The following BBS9 variants were observed in gnomAD, a reference collection of about 807,000 sequenced individuals.
BBS9 encodes Bardet-Biedl syndrome 9, also known as protein PTHB1.
Under a neutral mutation model 117.7 loss-of-function variants are expected in BBS9, and 89 were observed. That is an observed-to-expected ratio of 0.76 (90% CI 0.64 to 0.90). The LOEUF (loss-of-function observed/expected upper bound fraction) is 0.90, where lower values mean the gene tolerates loss of function less well. BBS9 is among the 40% of genes least tolerant of loss of function. The probability of loss-of-function intolerance (pLI) is 0.00; values close to 1 mark genes in which losing one functional copy is unlikely to be tolerated. For synonymous variants in BBS9, 379 were observed against 370.9 expected (o/e 1.02, Z -0.25); for missense variants, 982 against 1,042.2 (o/e 0.94, Z 0.80).
At chr7:33,402,896 T>C (rs1829162105) in intron 19 of BBS9, among the ~76,000 whole-genome samples, 1 of 152,146 alleles carries the variant, frequency 6.6e-6, no homozygotes, top group African/African-American at 2.4e-5. Flanking sequence ...CCTAACTTTA[T>C]GTCCATATGT....
chr7:33,471,837 G>T (rs1360108199), intron 19 of BBS9, among the ~76,000 whole-genome samples: 1 of 152,188 alleles, frequency 6.6e-6, no homozygotes, highest in African/African-American at 2.4e-5. Context: ...TCAAAACCAT[G>T]AACTGCCACC....
chr7:33,544,420 A>T (rs1387124932), intron 21 of BBS9, among the ~76,000 whole-genome samples: 1 of 152,016 alleles, frequency 6.6e-6, no homozygotes, highest in Non-Finnish European at 1.5e-5. Flanking sequence ...TTTCCTATGG[A>T]TGTGGCTTTC....
In BBS9 at chr7:33,400,077, T is replaced by G. The variant is rs181240602; in HGVS notation, c.2115+11933T>G. On this transcript the variant is annotated intron_variant, in intron 19 of 22. Coordinates refer to ENST00000242067, the MANE Select transcript of BBS9 (RefSeq NM_198428.3). ...GCTTGCTAGTGTTAGCTTGAACAACTGGCTGTATTGTAAATTTAATATTAG... is the reference window on the plus strand; with the variant it reads ...GCTTGCTAGTGTTAGCTTGAACAACGGGCTGTATTGTAAATTTAATATTAG... 3.3e-3 allele frequency among the ~76,000 whole-genome samples: 504 copies of G among 152,252 alleles called. 5 individuals carry two copies. Among genetic ancestry groups the G allele is most frequent in the African/African-American group, 0.012 (489 of 41,564 alleles).
chr7:33,148,308 C>T (rs1313463252), intron 2 of BBS9, among the ~76,000 whole-genome samples: 1 of 151,960 alleles, frequency 6.6e-6, no homozygotes, highest in Non-Finnish European at 1.5e-5. Flanking sequence ...AGGACTGTAA[C>T]CTGGAGAATA....
intron 19 of BBS9, among the ~76,000 whole-genome samples, chr7:33,436,502 T>A (rs1835325333): frequency 6.6e-6 from 1 of 152,244 alleles, no homozygotes; most frequent in Non-Finnish European, 1.5e-5. Flanking sequence ...ATTACATTAT[T>A]TATAATCTCA....
At chr7:33,389,956 C>T (rs1222286018) in intron 19 of BBS9, among the ~76,000 whole-genome samples, 1 of 152,124 alleles carries the variant, frequency 6.6e-6, no homozygotes, top group Non-Finnish European at 1.5e-5. Flanking sequence ...ATTTGTTCCA[C>T]AAATATAGAC....
intron 19 of BBS9, among the ~76,000 whole-genome samples, chr7:33,468,163 A>C (rs1303832292): frequency 6.6e-6 from 1 of 152,182 alleles, no homozygotes; most frequent in Non-Finnish European, 1.5e-5. Context: ...GGGGGTAGAT[A>C]AAATAGCTAG....
chr7:33,177,369 G>A (rs1412758628), intron 4 of BBS9, 109 bp from the exon 5 acceptor site: 7 of 755,358 alleles, frequency 9.3e-6, no homozygotes, highest in Non-Finnish European at 1.6e-5. Context: ...TTAGTGCTTT[G>A]CCATTATAAT....
intron 21 of BBS9, among the ~76,000 whole-genome samples, chr7:33,546,836 A>G (rs894365093): frequency 3.9e-5 from 6 of 152,158 alleles, no homozygotes; most frequent in Admixed American, 2.0e-4. Flanking sequence ...TGGTCCCCTG[A>G]GCATATGGCT....
chr7:33,528,088 T>A (rs1207527199), intron 20 of BBS9, among the ~76,000 whole-genome samples: 1 of 152,304 alleles, frequency 6.6e-6, no homozygotes, highest in Admixed American at 6.5e-5. Context: ...AACCATAATC[T>A]TCTGTGGATC....
chr7:33,441,126 G>A (rs1836105412), intron 19 of BBS9, among the ~76,000 whole-genome samples: 1 of 152,210 alleles, frequency 6.6e-6, no homozygotes, highest in Admixed American at 6.5e-5. Flanking sequence ...TAATCGAGTG[G>A]ATATAGATTG....
intron 17 of BBS9, among the ~76,000 whole-genome samples, chr7:33,378,630 T>G (rs1220289639): frequency 6.6e-6 from 1 of 152,184 alleles, no homozygotes; most frequent in Non-Finnish European, 1.5e-5. Flanking sequence ...TCAGAGATTT[T>G]TTTGTTTGTC....
rs186129841 is a variant in BBS9, at chr7:33,570,101, A to G, written c.2522-34764A>G. ...CAAGATTCAAAGCATATCCAAAAGC[A>G]AGGAAGTTTTGCATTAAATATAAAT... On this transcript the variant is annotated intron_variant, in intron 21 of 22. Transcript: ENST00000242067. 3.1e-3 allele frequency among the ~76,000 whole-genome samples: 468 copies of G among 152,350 alleles called. 3 individuals are homozygous for G. Among genetic ancestry groups the G allele is most frequent in the African/African-American group, 0.011 (451 of 41,584 alleles).
intron 19 of BBS9, among the ~76,000 whole-genome samples, chr7:33,410,279 A>C (rs13230868): frequency 0.15 from 23,515 of 152,140 alleles, 2,283 homozygotes; most frequent in South Asian, 0.21. Context: ...GATCATCTCA[A>C]ATGTTTTCTT....
At chr7:33,258,465 T>G (rs1430306475) in intron 6 of BBS9, among the ~76,000 whole-genome samples, 1 of 152,214 alleles carries the variant, frequency 6.6e-6, no homozygotes, top group Admixed American at 6.5e-5. Flanking sequence ...AGTGAATGTT[T>G]GTGAGTAAGC....
Position 33,632,801 on chromosome 7 carries a change from T to A in BBS9, c.2522-2376T>A, listed in dbSNP as rs58740696. On this transcript the variant is annotated intron_variant, in intron 21 of 21. Coordinates refer to the BBS9 transcript ENST00000671952. ...CTACTCAAACATTCTTAGTTTTTTT[T>A]AAAAAAAAGGAAATACAGAGATAGA... 1.4e-3 allele frequency among the ~76,000 whole-genome samples: 207 copies of A among 151,948 alleles called. 3 individuals are homozygous for A. The highest frequency in any genetic ancestry group is 0.013 in the East Asian group (69 of 5,176).
At chr7:33,347,363 T>C (rs1817783936) in intron 12 of BBS9, among the ~76,000 whole-genome samples, 2 of 152,000 alleles carry the variant, frequency 1.3e-5, no homozygotes, top group African/African-American at 2.4e-5. Context: ...ACTAGCTAGT[T>C]GAAAGAAAGT....
At chr7:33,207,995 G>C (rs952994746) in intron 5 of BBS9, among the ~76,000 whole-genome samples, 2 of 152,068 alleles carry the variant, frequency 1.3e-5, no homozygotes, top group Non-Finnish European at 2.9e-5. Context: ...TTTTAGTAGA[G>C]ATGGGGTTTC....
chr7:33,347,229 T>C (rs1817755711), intron 12 of BBS9, among the ~76,000 whole-genome samples: 1 of 152,166 alleles, frequency 6.6e-6, no homozygotes, highest in Non-Finnish European at 1.5e-5. Flanking sequence ...GTTCCATGAA[T>C]ATAGAAAATT....
Sources: allele counts gnomAD v4.1 joint callset (sites outside exome capture counted in the v4.1 genomes callset), GRCh38; gene constraint gnomAD v4.1.1; transcripts MANE v1.5; gene names NCBI Gene and HGNC (gene_info 2026-07-23, HGNC 2026-07-21).